The following CBL variants were observed in gnomAD, a reference collection of about 807,000 sequenced individuals.
CBL encodes E3 ubiquitin-protein ligase CBL.
CBL carries 45 observed loss-of-function variants against 96.9 expected under a neutral mutation model. That is an observed-to-expected ratio of 0.46 (90% confidence interval 0.37 to 0.60). CBL has a LOEUF of 0.60. CBL is among the 20% of genes least tolerant of loss of function. CBL has a pLI of 0.00. For missense variants in CBL, 1,024 were observed against 1,143.5 expected (o/e 0.90, Z 1.51); for synonymous variants, 420 against 426.8 (o/e 0.98, Z 0.20).
Position 119,265,043 on chromosome 11 carries a change from A to AT in CBL, c.444-6685dup, listed in dbSNP as rs1450666003. ...AGCTGTGCACCACCATACCTGGCTAATTTTTTTGCATTTTTTGTATAGATG... is the reference window on the plus strand; with the variant it reads ...AGCTGTGCACCACCATACCTGGCTAATTTTTTTTGCATTTTTTGTATAGATG... On this transcript the variant is annotated intron_variant, in intron 2 of 15. Transcript: ENST00000264033. Among the ~76,000 whole-genome samples, 5 of 151,146 alleles carry AT rather than the reference A, an allele frequency of 3.3e-5. No homozygotes were observed. The East Asian group carries it at 6.0e-4, about 18-fold the overall frequency.
Position 119,206,579 on chromosome 11 carries a change from G to T in CBL, c.162G>T (p.Lys54Asn), listed in dbSNP as rs2135244255. The change falls in exon 1 of 16, where the codon AAG (lysine) becomes AAT (asparagine). Residue 54 changes from lysine (K) to asparagine (N), a missense_variant. Transcript: ENST00000264033. ...SPHPPGTVDK[K>N]MVEKCWKLMD... ...ACCCGCCGGGGACGGTGGACAAGAA[G>T]ATGGTGGAGAAGTGCTGGAAGCTCA... The T allele has an allele frequency of 6.5e-7, 1 of 1,549,354 alleles. No homozygotes were observed. The highest frequency in any genetic ancestry group is 8.7e-7 in the Non-Finnish European group (1 of 1,146,502).
At chr11:119,224,321 T>C (rs1188163912) in intron 1 of CBL, among the ~76,000 whole-genome samples, 3 of 152,140 alleles carry the variant, frequency 2.0e-5, no homozygotes, top group Non-Finnish European at 4.4e-5. Context: ...TGGTTGACCC[T>C]AGAACAGCTA....
chr11:119,264,433 CTTCTCTTCTT>C lies in CBL; in HGVS notation c.444-7300_444-7291del, dbSNP rs1022267383. Reference sequence around the variant, plus strand: ...CTTCTCTTCTCTTCTCTTCTCTTCTCTTCTCTTCTTTCTCTTCTCTTCTCTTCTCTTTTCT... The same window carrying C: ...CTTCTCTTCTCTTCTCTTCTCTTCTCTCTCTTCTCTTCTCTTCTCTTTTCT... On this transcript the variant is annotated intron_variant, in intron 2 of 15. Transcript: ENST00000264033. 2.0e-4 allele frequency among the ~76,000 whole-genome samples: 20 copies of C among 102,064 alleles called. No individual in the cohort carries two copies. The East Asian group carries it at 6.9e-3, about 35-fold the overall frequency. 67.0% of individuals were successfully genotyped at this position (102,064 alleles called of 152,430 possible).
chr11:119,306,227 G>A lies in CBL; in HGVS notation c.*6446G>A, dbSNP rs192967464. 41 of 398,580 alleles carry A rather than the reference G, an allele frequency of 1.0e-4. No individual in the cohort carries two copies. The highest frequency in any genetic ancestry group is 7.6e-4 in the African/African-American group (37 of 48,720). The allele number at this position is 398,580 out of a possible 1,614,324, so 24.7% of individuals were successfully genotyped here. The stretch of plus-strand genomic sequence containing the variant: ...GACTAAGCTGTGTGGTGCTCTTGCC[G>A]CCCCTTCCTGGGTACAGAGCTTGAG... On this transcript the variant is annotated 3_prime_UTR_variant, in exon 16 of 16. Coordinates refer to ENST00000264033, the MANE Select transcript of CBL (RefSeq NM_005188.4).
chr11:119,285,367 T>G lies in CBL; in HGVS notation c.1742T>G (p.Val581Gly). The change falls in exon 11 of 16, where the codon GTC (valine) becomes GGC (glycine). Residue 581 changes from valine to glycine, a missense_variant. Val to Gly is a moderately radical substitution (Grantham distance 109). Around this residue, in one of 4 missense-constraint regions of CBL, gnomAD observed 695 missense variants for 661.6 expected, o/e 1.05. Transcript: ENST00000264033. The part of the protein sequence containing the change: ...DCPSRDKLPP[V>G]PSSRLGDSWL... ...CCCTCCAGAGACAAACTGCCCCCTG[T>G]CCCCTCTAGCCGCCTTGGAGACTCA... The G allele has an allele frequency of 6.2e-7, 1 of 1,614,082 alleles. No individual in the cohort carries two copies. The highest frequency in any genetic ancestry group is 1.6e-4 in the Middle Eastern group (1 of 6,062).
intron 1 of CBL, among the ~76,000 whole-genome samples, chr11:119,230,537 TAA>T (rs1415728857): frequency 3.3e-5 from 5 of 152,226 alleles, no homozygotes; most frequent in Non-Finnish European, 7.3e-5. Flanking sequence ...AATATACTGC[TAA>T]TAGCAAGAAA....
intron 2 of CBL, among the ~76,000 whole-genome samples, chr11:119,261,435 T>C (rs781290838): frequency 9.2e-5 from 14 of 152,354 alleles, no homozygotes; most frequent in Admixed American, 3.9e-4. Flanking sequence ...TAACTAGATA[T>C]AGACTTTCTA....
At chr11:119,210,798 G>C (rs1417746145) in intron 1 of CBL, among the ~76,000 whole-genome samples, 1 of 151,636 alleles carries the variant, frequency 6.6e-6, no homozygotes, top group Non-Finnish European at 1.5e-5. Context: ...ATAGAACAGA[G>C]GTTGGCAAAC....
At chr11:119,208,108 T>C (rs796174040) in intron 1 of CBL, among the ~76,000 whole-genome samples, 9 of 152,160 alleles carry the variant, frequency 5.9e-5, no homozygotes, top group Middle Eastern at 3.2e-3. Flanking sequence ...TGTTAGAAAT[T>C]ATAATAAAAT....
At chr11:119,293,557 G>A (rs547784980) in intron 12 of CBL, among the ~76,000 whole-genome samples, 8 of 152,136 alleles carry the variant, frequency 5.3e-5, no homozygotes, top group African/African-American at 1.7e-4. Flanking sequence ...AGCCCCAAGC[G>A]TAAACAGTTT....
chr11:119,295,249 C>T (rs893047043), intron 12 of CBL, among the ~76,000 whole-genome samples: 12 of 152,084 alleles, frequency 7.9e-5, no homozygotes, highest in Non-Finnish European at 1.8e-4. Context: ...TTGATGGTTT[C>T]CTTAGGGAAA....
At chr11:119,275,059 G>A (rs1949878158) in intron 5 of CBL, 106 bp downstream of exon 5, 7 of 1,149,152 alleles carry the variant, frequency 6.1e-6, no homozygotes, top group Admixed American at 1.7e-5. Flanking sequence ...AATAGCCAAG[G>A]TTCTGCAATA....
At chr11:119,276,216 G>A (rs1949888305) in intron 6 of CBL, 82 bp downstream of exon 6, 3 of 1,415,750 alleles carry the variant, frequency 2.1e-6, no homozygotes, top group Non-Finnish European at 1.0e-6. Flanking sequence ...TTTATTCCAG[G>A]TTTCTTAAAC....
At chr11:119,217,884 G>A (rs954286410) in intron 1 of CBL, among the ~76,000 whole-genome samples, 2 of 151,986 alleles carry the variant, frequency 1.3e-5, no homozygotes, top group African/African-American at 2.4e-5. Flanking sequence ...CAGCCTAGTC[G>A]ATGTAGTTAG....
In CBL at chr11:119,232,510, C is replaced by T. The variant is rs1038135199; in HGVS notation, c.258C>T (p.Asp86=). ...AGAATAGCCCACCTTATATCTTAGA[C>T]CTGCTACCAGATACCTACCAGCATC... is the stretch of plus-strand genomic sequence containing the variant. ...ALKNSPPYIL[D]LLPDTYQHLR... is the part of the protein sequence containing the mutation. Residue 86 remains aspartate, a synonymous_variant, in exon 2 of 16, where the codon GAC becomes GAT. Coordinates refer to ENST00000264033, the MANE Select transcript of CBL (RefSeq NM_005188.4). 3 of 1,613,666 alleles carry T rather than the reference C, an allele frequency of 1.9e-6. No homozygotes were observed. Among genetic ancestry groups the T allele is most frequent in the Non-Finnish European group, 2.5e-6 (3 of 1,179,696 alleles).
chr11:119,288,440 A>G (rs1474932693), intron 12 of CBL, among the ~76,000 whole-genome samples: 5 of 151,648 alleles, frequency 3.3e-5, no homozygotes, highest in Non-Finnish European at 5.9e-5. Flanking sequence ...GCATCTCACT[A>G]TGTCCTTACA....
At chr11:119,280,718 C>G (rs1191075514) in intron 9 of CBL, among the ~76,000 whole-genome samples, 1 of 152,168 alleles carries the variant, frequency 6.6e-6, no homozygotes, top group East Asian at 1.9e-4. Flanking sequence ...AAACTGTTTA[C>G]TACCTCTGTG....
intron 1 of CBL, among the ~76,000 whole-genome samples, chr11:119,217,720 T>C (rs1949373962): frequency 1.3e-5 from 2 of 152,150 alleles, no homozygotes; most frequent in South Asian, 4.1e-4. Context: ...GTTGGGCATC[T>C]TATTTAAGAT....
At chr11:119,218,654 G>A (rs947504388) in intron 1 of CBL, among the ~76,000 whole-genome samples, 6 of 151,960 alleles carry the variant, frequency 3.9e-5, no homozygotes, top group Admixed American at 1.3e-4. Context: ...TATCTACACC[G>A]TCTACACTAC....
Sources: gnomAD v4.1 joint callset for allele counts (sites outside exome capture counted in the v4.1 genomes callset) on GRCh38, gnomAD v4.1.1 for gene constraint, gnomAD v4.1.1 regional missense constraint, MANE v1.5 for transcripts, NCBI Gene and HGNC (gene_info 2026-07-23, HGNC 2026-07-21) for gene names.